ALG8: variants seen among roughly 807,000 people sequenced by gnomAD.
The protein encoded by ALG8 is ALG8 alpha-1,3-glucosyltransferase.
A neutral mutation model predicts 70.2 loss-of-function variants in ALG8; 48 were observed. The ratio of observed to expected loss-of-function variants is 0.68; its 90% confidence interval spans 0.54 to 0.87. The LOEUF is 0.87. Ranked by LOEUF, ALG8 falls within the 40% of genes least tolerant of loss-of-function variation. The pLI, the probability that ALG8 is intolerant of heterozygous loss-of-function variation, is 0.00. For synonymous variants in ALG8, 234 were observed against 229.0 expected (o/e 1.02, Z -0.20); for missense variants, 572 against 608.7 (o/e 0.94, Z 0.64).
intron 10 of ALG8, chr11:78,104,677 C>T (rs929064063): frequency 4.3e-6 from 2 of 460,532 alleles, no homozygotes; most frequent in Admixed American, 3.5e-5. Context: ...AAGAATCTTG[C>T]TTCTGGCCGG....
chr11:78,113,860 T>TAA (rs1565350164), intron 7 of ALG8, 26 bp downstream of exon 7: 2 of 958,698 alleles, frequency 2.1e-6, no homozygotes, highest in African/African-American at 4.2e-5. Context: ...ATGTATTAAT[T>TAA]GAAAAAAAAA....
chr11:78,103,863 TG>T, intron 12 of ALG8, 116 bp downstream of exon 12: 1 of 569,824 alleles, frequency 1.8e-6, no homozygotes. Context: ...CAATTTTTTT[TG>T]TAATGTTGTC....
At position 78,114,319 on chromosome 11, in the gene ALG8, G is replaced by C; in HGVS notation, c.620C>G (p.Pro207Arg). Residue 207 changes from proline (P) to arginine (R), a missense_variant, in exon 6 of 13, where the codon CCA (proline) becomes CGA (arginine). Coordinates refer to ENST00000299626, the MANE Select transcript of ALG8 (RefSeq NM_024079.5). ...TCGCAGCAGATATACACCATAAGCT[G>C]GTGCTACATAGAGGTAGATATGCTT... ...HFKHIYLYVA[P>R]AYGVYLLRSY... 6.2e-7 allele frequency: 1 copy of C among 1,614,094 alleles called. No individual in the cohort carries two copies. Among genetic ancestry groups the C allele is most frequent in the Non-Finnish European group, 8.5e-7 (1 of 1,180,002 alleles).
At chr11:78,117,613 A>C (rs1254746708) in intron 5 of ALG8, among the ~76,000 whole-genome samples, 1 of 96,894 alleles carries the variant, frequency 1.0e-5, no homozygotes, top group Non-Finnish European at 2.6e-5. Context: ...TTCTCTACCA[A>C]AAAAAAAAAA....
intron 5 of ALG8, chr11:78,114,727 A>G (rs762508088): frequency 4.5e-5 from 20 of 445,398 alleles, no homozygotes; most frequent in South Asian, 3.1e-4. Flanking sequence ...GCACTTTGGT[A>G]AGCCGACGTG....
chr11:78,121,082 C>A lies in ALG8; in HGVS notation c.461G>T (p.Gly154Val). The A allele has an allele frequency of 1.2e-6, 2 of 1,613,534 alleles. No individual in the cohort carries two copies. Among genetic ancestry groups the A allele is most frequent in the Non-Finnish European group, 1.7e-6 (2 of 1,179,736 alleles). Residue 154 changes from glycine to valine, a missense_variant, in exon 4 of 13, where the codon GGG (glycine) becomes GTG (valine). By Grantham distance (109) the Gly-to-Val change is moderately radical. Coordinates refer to ENST00000299626, the MANE Select transcript of ALG8 (RefSeq NM_024079.5). ...ILSVLLLWNF[G>V]LLIVDHIHFQ... ...AAGGATACGGTCCACAATTAATAACCCGAAGTTCCACAGAAGTAATACCGA... is the reference window on the plus strand; with the variant it reads ...AAGGATACGGTCCACAATTAATAACACGAAGTTCCACAGAAGTAATACCGA...
At chr11:78,109,980 C>T (rs1047676076) in intron 8 of ALG8, among the ~76,000 whole-genome samples, 8 of 152,122 alleles carry the variant, frequency 5.3e-5, no homozygotes, top group African/African-American at 9.7e-5. Context: ...ATGATCTCAT[C>T]GCCCCTTCCC....
At chr11:78,105,648 TAA>T (rs200968449) in intron 10 of ALG8, among the ~76,000 whole-genome samples, 16 of 108,508 alleles carry the variant, frequency 1.5e-4, no homozygotes, top group Non-Finnish European at 1.2e-4. Context: ...TACCAAAAAG[TAA>T]AAAAAAAAAA....
intron 8 of ALG8, among the ~76,000 whole-genome samples, chr11:78,111,396 C>T (rs566065874): frequency 1.2e-4 from 19 of 152,274 alleles, no homozygotes; most frequent in Middle Eastern, 3.4e-3. Flanking sequence ...GTATGTCTTT[C>T]GTATAGTGAG....
intron 1 of ALG8, chr11:78,138,974 C>G (rs1307413189): frequency 8.7e-6 from 3 of 345,708 alleles, no homozygotes; most frequent in African/African-American, 6.4e-5. Context: ...CTTTCCACAT[C>G]ACTTATTCTT....
At chr11:78,107,858 A>AAAAT (rs1860115307) in intron 9 of ALG8, 1 of 153,866 alleles carries the variant, frequency 6.5e-6, no homozygotes, top group Non-Finnish European at 1.4e-5. Flanking sequence ...AAAAAAAAAA[A>AAAAT]AAAATTGGCC....
At chr11:78,118,048 G>A (rs1265645551) in intron 5 of ALG8, among the ~76,000 whole-genome samples, 2 of 147,978 alleles carry the variant, frequency 1.4e-5, no homozygotes, top group Admixed American at 6.8e-5. Flanking sequence ...TCCAGCCTGG[G>A]AGACAGGGCG....
chr11:78,105,986 A>G (rs888893305), intron 10 of ALG8, among the ~76,000 whole-genome samples: 2 of 152,074 alleles, frequency 1.3e-5, no homozygotes, highest in African/African-American at 2.4e-5. Flanking sequence ...GGGATTGCAG[A>G]TGTGAGCCAC....
In ALG8 at chr11:78,112,810, A is replaced by G. The variant is rs181903054; in HGVS notation, c.778-40T>C. ...AATGAAACTGATTAAACAGTCATCA[A>G]TCTTTTTCAAATTCAAAAAGAGAAC... On this transcript the variant is annotated intron_variant, in intron 7 of 12. Coordinates refer to ENST00000299626, the MANE Select transcript of ALG8 (RefSeq NM_024079.5). The G allele has an allele frequency of 8.6e-5, 138 of 1,606,640 alleles. 2 individuals are homozygous for G. In the East Asian group the frequency reaches 9.9e-4, roughly 11 times the overall value.
chr11:78,126,067 G>A (rs1861058502), intron 2 of ALG8, among the ~76,000 whole-genome samples: 1 of 152,004 alleles, frequency 6.6e-6, no homozygotes, highest in Non-Finnish European at 1.5e-5. Flanking sequence ...GCTGAGGCAG[G>A]AGAATGGCGT....
intron 8 of ALG8, among the ~76,000 whole-genome samples, chr11:78,111,812 C>T (rs907795750): frequency 6.6e-6 from 1 of 152,156 alleles, no homozygotes; most frequent in African/African-American, 2.4e-5. Flanking sequence ...TTTAGTAGAA[C>T]CATCTCAAAC....
rs1267788679 is a variant in ALG8, at chr11:78,124,125, T to G, written c.264A>C (p.Glu88Asp). 1 of 1,614,020 alleles carries G rather than the reference T, an allele frequency of 6.2e-7. No individual in the cohort carries two copies. Among genetic ancestry groups the G allele is most frequent in the East Asian group, 2.2e-5 (1 of 44,892 alleles). ...LSHVAKYFDQ[E>D]MLNVHNLNYS... ...AATTCAAATTATGGACATTCAGCAT[T>G]TCTTGATCAAAATATTTGGCAACAT... The change falls in exon 3 of 13, where the codon GAA becomes GAC. Residue 88 changes from glutamate to aspartate, a missense_variant. Transcript: ENST00000299626.
intron 3 of ALG8, 149 bp downstream of exon 3, chr11:78,123,872 T>C: frequency 2.3e-6 from 2 of 859,860 alleles, no homozygotes; most frequent in South Asian, 3.1e-5. Flanking sequence ...TTTAAACATG[T>C]AGTTTAAAGC....
chr11:78,109,388 CAAAA>C, intron 9 of ALG8, 50 bp downstream of exon 9: 2 of 1,611,134 alleles, frequency 1.2e-6, no homozygotes, highest in Non-Finnish European at 1.7e-6. Flanking sequence ...ATCAGCCAGA[CAAAA>C]GAAAAGCAGA....
Sources: gnomAD v4.1 joint callset for allele counts (sites outside exome capture counted in the v4.1 genomes callset) on GRCh38, gnomAD v4.1.1 for gene constraint, MANE v1.5 for transcripts, NCBI Gene and HGNC (gene_info 2026-07-23, HGNC 2026-07-21) for gene names.